The following UBASH3B variants were observed in gnomAD, a reference collection of about 807,000 sequenced individuals.
The protein encoded by UBASH3B is ubiquitin-associated and SH3 domain-containing protein B.
UBASH3B carries 37 observed loss-of-function variants against 83.4 expected under a neutral mutation model. The ratio of observed to expected loss-of-function variants is 0.44; its 90% CI spans 0.34 to 0.58. UBASH3B has a LOEUF of 0.58. Ranked by LOEUF, UBASH3B falls within the 20% of genes least tolerant of loss-of-function variation. The probability of loss-of-function intolerance (pLI) is 0.01; values close to 1 mark genes in which losing one functional copy is unlikely to be tolerated. For missense variants in UBASH3B, 657 were observed against 827.2 expected (o/e 0.79, Z 2.52); for synonymous variants, 304 against 318.3 (o/e 0.96, Z 0.48).
rs940547261 is a variant in UBASH3B, at chr11:122,779,664, T to C, written c.570T>C (p.Ala190=). Residue 190 remains alanine (A), a synonymous_variant, in exon 4 of 14, where the codon GCT becomes GCC. Coordinates refer to ENST00000284273, the MANE Select transcript of UBASH3B (RefSeq NM_032873.5). ...CGGAGGTCCTCAAGAAGTTTGCTGC[T>C]GACTTTGCTGCAGAGGCTGCATCCA... ...DSAEVLKKFA[A]DFAAEAASKT... is the part of the protein sequence containing the mutation. The C allele has an allele frequency of 3.1e-6, 5 of 1,614,076 alleles. No homozygotes were observed. Among genetic ancestry groups the C allele is most frequent in the Middle Eastern group, 1.6e-4 (1 of 6,084 alleles).
chr11:122,710,483 G>A (rs536389344), intron 1 of UBASH3B, among the ~76,000 whole-genome samples: 22 of 152,308 alleles, frequency 1.4e-4, no homozygotes, highest in Admixed American at 1.2e-3. Flanking sequence ...TGAAAAGAAG[G>A]CTCAGGGACA....
intron 1 of UBASH3B, among the ~76,000 whole-genome samples, chr11:122,671,384 C>G (rs1465284912): frequency 6.6e-6 from 1 of 152,176 alleles, no homozygotes; most frequent in Non-Finnish European, 1.5e-5. Flanking sequence ...AAAAATTAGC[C>G]AGCATGGTGG....
At chr11:122,704,415 T>C (rs1405713813) in intron 1 of UBASH3B, among the ~76,000 whole-genome samples, 1 of 152,182 alleles carries the variant, frequency 6.6e-6, no homozygotes, top group Non-Finnish European at 1.5e-5. Flanking sequence ...ACCGAAGGGC[T>C]TTAGTTGCAG....
chr11:122,782,130 A>G (rs1180380121), intron 4 of UBASH3B, among the ~76,000 whole-genome samples: 2 of 151,966 alleles, frequency 1.3e-5, no homozygotes, highest in Admixed American at 6.6e-5. Flanking sequence ...AGTCCCAGCT[A>G]CTCAGGAAGC....
chr11:122,776,940 T>G, intron 2 of UBASH3B, 84 bp from the exon 3 acceptor site: 1 of 1,316,640 alleles, frequency 7.6e-7, no homozygotes, highest in African/African-American at 1.5e-5. Context: ...TTGGAGCACA[T>G]GGAGGGTGGA....
intron 6 of UBASH3B, among the ~76,000 whole-genome samples, chr11:122,790,037 C>T (rs1235753404): frequency 2.0e-5 from 3 of 152,216 alleles, no homozygotes; most frequent in South Asian, 2.1e-4. Context: ...TCAAAGCCAG[C>T]GCTTCCCTGG....
At chr11:122,658,355 A>G (rs1311094513) in intron 1 of UBASH3B, among the ~76,000 whole-genome samples, 3 of 152,184 alleles carry the variant, frequency 2.0e-5, no homozygotes, top group African/African-American at 7.2e-5. Flanking sequence ...TTGAGATTCA[A>G]ATTCAAATCA....
intron 1 of UBASH3B, among the ~76,000 whole-genome samples, chr11:122,660,038 G>T (rs767702158): frequency 6.2e-4 from 95 of 152,196 alleles, no homozygotes; most frequent in Middle Eastern, 3.2e-3. Flanking sequence ...GCCCTCTGAG[G>T]GGAACGCAAT....
chr11:122,796,843 G>T (rs1220981475), intron 8 of UBASH3B, 68 bp from the exon 9 acceptor site: 3 of 1,609,698 alleles, frequency 1.9e-6, no homozygotes, highest in Admixed American at 1.7e-5. Flanking sequence ...AGAGTGTCAG[G>T]ATCAGTAAGG....
At chr11:122,724,288 C>A (rs748607296) in intron 1 of UBASH3B, among the ~76,000 whole-genome samples, 1 of 152,072 alleles carries the variant, frequency 6.6e-6, no homozygotes, top group Non-Finnish European at 1.5e-5. Context: ...CAGGTTTTGG[C>A]GAGGAGCAGA....
intron 3 of UBASH3B, among the ~76,000 whole-genome samples, chr11:122,778,590 AT>A (rs138539169): frequency 3.0e-4 from 36 of 118,092 alleles, no homozygotes; most frequent in East Asian, 2.4e-4. Context: ...GAGAACTTTG[AT>A]TTTTTTTTTC....
chr11:122,782,021 TC>T (rs1860864265), intron 4 of UBASH3B, among the ~76,000 whole-genome samples: 3 of 152,210 alleles, frequency 2.0e-5, no homozygotes, highest in Admixed American at 1.3e-4. Flanking sequence ...TTCCCTAATT[TC>T]TTCTAGTTGC....
chr11:122,789,077 C>T, intron 5 of UBASH3B, 23 bp from the exon 6 acceptor site: 1 of 1,602,820 alleles, frequency 6.2e-7, no homozygotes, highest in Non-Finnish European at 8.5e-7. Flanking sequence ...ATGGGGCTCA[C>T]TCACCCTCTC....
chr11:122,767,335 G>GTCTC (rs57288940), intron 1 of UBASH3B, among the ~76,000 whole-genome samples: 2 of 151,262 alleles, frequency 1.3e-5, no homozygotes, highest in South Asian at 2.1e-4. Flanking sequence ...TTGAGATGGA[G>GTCTC]TCTCTCTCTC....
At chr11:122,745,854 C>T (rs1033139476) in intron 1 of UBASH3B, among the ~76,000 whole-genome samples, 1 of 152,162 alleles carries the variant, frequency 6.6e-6, no homozygotes, top group Non-Finnish European at 1.5e-5. Flanking sequence ...GGTCATCTCC[C>T]GATAGGTGAC....
rs1350906124 is a variant in UBASH3B at position 122,783,310 on chromosome 11, A to G, written c.771+88A>G. The G allele has an allele frequency of 2.0e-5, 29 of 1,469,528 alleles. No homozygotes were observed. In the East Asian group the frequency reaches 6.2e-4, roughly 31 times the overall value. 91.0% of individuals were successfully genotyped at this position (1,469,528 alleles called of 1,614,324 possible). A position where few individuals can be genotyped will look rare whatever the true frequency, so the allele number is the denominator to read the frequency against. On this transcript the variant is annotated intron_variant, in intron 5 of 13. Transcript: ENST00000284273. ...CGCTGCTGCAGGGAGATGGGTACCT[A>G]CAGGGGAAAAATGGAGCAAGCACCT...
intron 11 of UBASH3B, among the ~76,000 whole-genome samples, chr11:122,803,375 C>CG (rs951204735): frequency 1.3e-5 from 2 of 152,074 alleles, no homozygotes; most frequent in African/African-American, 4.8e-5. Flanking sequence ...CCCTGAGAGC[C>CG]GGGGTAGTGT....
intron 1 of UBASH3B, among the ~76,000 whole-genome samples, chr11:122,691,664 A>C (rs945892779): frequency 6.6e-6 from 1 of 152,212 alleles, no homozygotes; most frequent in Admixed American, 6.5e-5. Flanking sequence ...GCCACCCACC[A>C]CTTGCGGGAA....
At chr11:122,773,954 T>A in intron 1 of UBASH3B, 1 of 985,216 alleles carries the variant, frequency 1.0e-6, no homozygotes, top group Non-Finnish European at 1.2e-6. Flanking sequence ...TCCCAGTTGT[T>A]TTTGGAACAA....
Sources: gnomAD v4.1 joint callset for allele counts (sites outside exome capture counted in the v4.1 genomes callset) on GRCh38, gnomAD v4.1.1 for gene constraint, MANE v1.5 for transcripts, NCBI Gene and HGNC (gene_info 2026-07-23, HGNC 2026-07-21) for gene names.